ZNF385D: variants seen among roughly 807,000 people sequenced by gnomAD.
The protein encoded by ZNF385D is zinc finger protein 659.
ZNF385D carries 15 observed loss-of-function variants against 35.8 expected under a neutral mutation model. That is an observed-to-expected ratio of 0.42 (90% CI 0.28 to 0.64). The LOEUF (loss-of-function observed/expected upper bound fraction) is 0.64, where lower values mean the gene tolerates loss of function less well. Ranked by LOEUF, ZNF385D falls within the 30% of genes least tolerant of loss-of-function variation. The pLI, the probability that ZNF385D is intolerant of heterozygous loss-of-function variation, is 0.23. For missense variants in ZNF385D, 474 were observed against 494.6 expected, an observed-to-expected ratio of 0.96 and a Z score of 0.39; for synonymous variants, 212 against 186.8, an observed-to-expected ratio of 1.13 and a Z score of -1.10.
In ZNF385D at chr3:21,829,062, T is replaced by G. The variant is rs147489017; in HGVS notation, c.326-164034A>C. On this transcript the variant is annotated intron_variant, in intron 3 of 5. Transcript: ENST00000494108. ...TTAATCACATCTTCAAAGCCCCTGT[T>G]GCCAATAATATACTAGCTGTTTGCA... Among the ~76,000 whole-genome samples the G allele has an allele frequency of 3.3e-3, 498 of 152,336 alleles. 7 individuals carry two copies. Among genetic ancestry groups the G allele is most frequent in the African/African-American group, 0.011 (472 of 41,582 alleles).
chr3:22,313,036 T>C (rs1453759701), intron 2 of ZNF385D, among the ~76,000 whole-genome samples: 1 of 151,952 alleles, frequency 6.6e-6, no homozygotes, highest in African/African-American at 2.4e-5. Flanking sequence ...TAAGAAAATG[T>C]GGCACATATA....
At chr3:22,252,322 T>C (rs1053559151) in intron 2 of ZNF385D, among the ~76,000 whole-genome samples, 12 of 152,066 alleles carry the variant, frequency 7.9e-5, no homozygotes, top group African/African-American at 2.4e-4. Context: ...AAACATTGTT[T>C]TGATGTCTTT....
At chr3:22,042,399 C>T (rs1285037840) in intron 3 of ZNF385D, among the ~76,000 whole-genome samples, 1 of 151,830 alleles carries the variant, frequency 6.6e-6, no homozygotes, top group Non-Finnish European at 1.5e-5. Flanking sequence ...CTTTGCCATG[C>T]ATGTAGATTT....
intron 2 of ZNF385D, among the ~76,000 whole-genome samples, chr3:22,241,545 A>C (rs1481828676): frequency 6.6e-6 from 1 of 151,200 alleles, no homozygotes; most frequent in East Asian, 1.9e-4. Flanking sequence ...TAGACATTTG[A>C]GTTTTGCCTA....
intron 3 of ZNF385D, among the ~76,000 whole-genome samples, chr3:22,122,279 C>A (rs533803284): frequency 1.3e-4 from 20 of 152,264 alleles, no homozygotes; most frequent in Non-Finnish European, 2.4e-4. Flanking sequence ...TCAGGACCTG[C>A]ATTCGGCTGA....
intron 3 of ZNF385D, among the ~76,000 whole-genome samples, chr3:21,759,629 T>C (rs2070510985): frequency 6.6e-6 from 1 of 152,162 alleles, no homozygotes; most frequent in African/African-American, 2.4e-5. Context: ...CTTATACACT[T>C]CAGAGGTTTC....
intron 1 of ZNF385D, among the ~76,000 whole-genome samples, chr3:21,744,809 T>G (rs1285177023): frequency 6.6e-6 from 1 of 152,026 alleles, no homozygotes; most frequent in Non-Finnish European, 1.5e-5. Context: ...TAATTTAAAA[T>G]TTAATTTCTA....
intron 3 of ZNF385D, among the ~76,000 whole-genome samples, chr3:21,917,282 A>T (rs1700236145): frequency 6.6e-6 from 1 of 152,086 alleles, no homozygotes. Flanking sequence ...AAATACAGAA[A>T]TTAGCTGGAT....
intron 3 of ZNF385D, among the ~76,000 whole-genome samples, chr3:21,978,902 A>T (rs1694225079): frequency 6.6e-6 from 1 of 152,158 alleles, no homozygotes; most frequent in South Asian, 2.1e-4. Context: ...TTTTCCCAAG[A>T]AAAGTAAAAT....
chr3:21,739,266 C>T (rs1047259133), intron 1 of ZNF385D, among the ~76,000 whole-genome samples: 3 of 152,162 alleles, frequency 2.0e-5, no homozygotes, highest in Non-Finnish European at 2.9e-5. Context: ...TTTACGAATC[C>T]GATGTTCTTG....
chr3:22,157,400 A>G lies in ZNF385D; in HGVS notation c.325+11417T>C, dbSNP rs116398828. On this transcript the variant is annotated intron_variant, in intron 3 of 5. Transcript: ENST00000494108. ...TTAGCAGACCCGTTGTCTTCCTCCT[A>G]TAAGACAGGAATTAAATTTTAAGGT... Among the ~76,000 whole-genome samples, 351 of 151,746 alleles carry G rather than the reference A, an allele frequency of 2.3e-3. 2 individuals are homozygous for G. The highest frequency in any genetic ancestry group is 8.1e-3 in the African/African-American group (338 of 41,488).
chr3:21,801,777 A>T (rs1340201519), intron 3 of ZNF385D, among the ~76,000 whole-genome samples: 1 of 152,148 alleles, frequency 6.6e-6, no homozygotes, highest in East Asian at 1.9e-4. Flanking sequence ...TGGGATTTTC[A>T]GTGAGAATCT....
chr3:22,011,325 C>G (rs1035785719), intron 3 of ZNF385D, among the ~76,000 whole-genome samples: 1 of 152,046 alleles, frequency 6.6e-6, no homozygotes, highest in South Asian at 2.1e-4. Context: ...AAAGATCATG[C>G]TTATTTTCCA....
intron 3 of ZNF385D, among the ~76,000 whole-genome samples, chr3:22,034,478 G>A (rs1344197868): frequency 1.3e-5 from 2 of 151,992 alleles, no homozygotes; most frequent in South Asian, 2.1e-4. Context: ...CATAATTATT[G>A]TAAATTTGAT....
intron 3 of ZNF385D, among the ~76,000 whole-genome samples, chr3:21,786,393 T>G (rs893795214): frequency 6.6e-6 from 1 of 152,178 alleles, no homozygotes; most frequent in Non-Finnish European, 1.5e-5. Flanking sequence ...GTCGGCATTT[T>G]TTTTTTCTTC....
At chr3:21,895,233 T>C (rs997011559) in intron 3 of ZNF385D, among the ~76,000 whole-genome samples, 3 of 150,800 alleles carry the variant, frequency 2.0e-5, no homozygotes, top group Non-Finnish European at 4.4e-5. Context: ...TTCAAAAAGA[T>C]AGGAGTCAGA....
chr3:21,911,973 A>C (rs1699984278), intron 3 of ZNF385D, among the ~76,000 whole-genome samples: 1 of 152,010 alleles, frequency 6.6e-6, no homozygotes, highest in Non-Finnish European at 1.5e-5. Context: ...CTTAAAAATG[A>C]AATTAATGAG....
Position 21,875,772 on chromosome 3 carries a change from C to G in ZNF385D, c.326-210744G>C, listed in dbSNP as rs190733774. ...GTGTCATTGCCACCACTGTTGTCAT[C>G]TTCATTGTGATCATCATCATTCCAG... On this transcript the variant is annotated intron_variant, in intron 3 of 5. Coordinates refer to the ZNF385D transcript ENST00000494108. Among the ~76,000 whole-genome samples, 197 of 152,226 alleles carry G rather than the reference C, an allele frequency of 1.3e-3. 2 individuals carry two copies. Among genetic ancestry groups the G allele is most frequent in the African/African-American group, 4.4e-3 (184 of 41,572 alleles).
At chr3:22,316,704 CAG>C (rs1276819854) in intron 2 of ZNF385D, among the ~76,000 whole-genome samples, 1 of 152,136 alleles carries the variant, frequency 6.6e-6, no homozygotes, top group Non-Finnish European at 1.5e-5. Flanking sequence ...ATTTACCATA[CAG>C]AGTTATATTG....
Sources: gnomAD v4.1 joint callset for allele counts (sites outside exome capture counted in the v4.1 genomes callset) on GRCh38, gnomAD v4.1.1 for gene constraint, MANE v1.5 for transcripts, NCBI Gene and HGNC (gene_info 2026-07-23, HGNC 2026-07-21) for gene names.